The following ADAM7 variants were observed in gnomAD, a reference collection of about 807,000 sequenced individuals.
ADAM7 encodes disintegrin and metalloproteinase domain-containing protein 7.
Under a neutral mutation model 102.9 loss-of-function variants are expected in ADAM7, and 97 were observed. The ratio of observed to expected loss-of-function variants is 0.94; its 90% CI spans 0.80 to 1.12. The LOEUF is 1.12. ADAM7 is among the 50% of genes most tolerant of loss of function. The pLI is 0.00. For synonymous variants in ADAM7, 334 were observed against 304.4 expected (o/e 1.10, Z -1.01); for missense variants, 991 against 908.7 (o/e 1.09, Z -1.16).
At chr8:24,502,661 T>C (rs139294826) in intron 20 of ADAM7, among the ~76,000 whole-genome samples, 1,830 of 152,200 alleles carry the variant, frequency 0.012, 39 homozygotes, top group African/African-American at 0.042. Context: ...TTTTGAAAGA[T>C]AAACATTACT....
chr8:24,462,077 A>C (rs905766412), intron 3 of ADAM7, among the ~76,000 whole-genome samples: 1 of 152,218 alleles, frequency 6.6e-6, no homozygotes, highest in African/African-American at 2.4e-5. Context: ...ATGTTGTGTG[A>C]AATGGACTCC....
At chr8:24,447,141 T>C in intron 2 of ADAM7, 45 bp from the exon 3 acceptor site, 1 of 1,176,880 alleles carries the variant, frequency 8.5e-7, no homozygotes, top group South Asian at 1.5e-5. Context: ...CAGAACACAC[T>C]AAATGAGCCC....
At chr8:24,469,562 G>A (rs1344109280) in intron 7 of ADAM7, among the ~76,000 whole-genome samples, 1 of 152,026 alleles carries the variant, frequency 6.6e-6, no homozygotes, top group Non-Finnish European at 1.5e-5. Context: ...ATGCCCTAAA[G>A]TGACTCTTCA....
intron 15 of ADAM7, 92 bp from the exon 16 acceptor site, chr8:24,492,951 T>C: frequency 1.5e-6 from 2 of 1,312,258 alleles, no homozygotes; most frequent in Non-Finnish European, 2.0e-6. Flanking sequence ...AACCTGGATC[T>C]AGAAAAAGAG....
intron 3 of ADAM7, among the ~76,000 whole-genome samples, chr8:24,448,815 A>C (rs192483164): frequency 0.016 from 2,449 of 151,788 alleles, 32 homozygotes; most frequent in Middle Eastern, 0.034. Flanking sequence ...CCCCAACCCC[A>C]CAACAGTCCC....
chr8:24,480,804 G>C (rs951303093), intron 8 of ADAM7, among the ~76,000 whole-genome samples: 2 of 152,048 alleles, frequency 1.3e-5, no homozygotes, highest in Non-Finnish European at 2.9e-5. Context: ...ACTTTGGAAG[G>C]TCAAGGCAGG....
intron 3 of ADAM7, 107 bp from the exon 4 acceptor site, chr8:24,463,775 T>C: frequency 1.2e-6 from 1 of 865,530 alleles, no homozygotes; most frequent in Non-Finnish European, 1.8e-6. Context: ...AAGAGGATCT[T>C]GCTGAGATTT....
chr8:24,468,893 A>G, intron 7 of ADAM7, 73 bp downstream of exon 7: 1 of 1,375,778 alleles, frequency 7.3e-7, no homozygotes. Context: ...TAGCATAGAG[A>G]GAAAGGTATT....
rs369775281 is a variant in ADAM7 at position 24,470,006 on chromosome 8, A to T, written c.633+1186A>T. On this transcript the variant is annotated intron_variant, in intron 7 of 21. Coordinates refer to ENST00000175238, the MANE Select transcript of ADAM7 (RefSeq NM_003817.4). Reference sequence around the variant, plus strand: ...ATAAAGAGTGAATGGGAATGATTGGATGACAGATGACAAATGAGAGACAAT... The same window carrying T: ...ATAAAGAGTGAATGGGAATGATTGGTTGACAGATGACAAATGAGAGACAAT... Among the ~76,000 whole-genome samples the T allele has an allele frequency of 1.4e-4, 22 of 152,290 alleles. No individual in the cohort carries two copies. In the South Asian group the frequency reaches 2.7e-3, roughly 19 times the overall value.
chr8:24,507,560 C>G (rs992325666), intron 21 of ADAM7, 25 bp downstream of exon 21: 10 of 1,580,968 alleles, frequency 6.3e-6, no homozygotes, highest in Non-Finnish European at 8.7e-6. Flanking sequence ...CAGATAGTAC[C>G]TCCCTTTTTT....
At position 24,482,347 on chromosome 8, in the gene ADAM7, T is replaced by C. The variant is rs976493816; in HGVS notation, c.875+36T>C. ...GCTCTATTTTCTTGCATACCTTTGG[T>C]GGATTATTACAAAAGAAAACAAAAA... On this transcript the variant is annotated intron_variant, in intron 9 of 21. Coordinates refer to ENST00000175238, the MANE Select transcript of ADAM7 (RefSeq NM_003817.4). The C allele has an allele frequency of 3.8e-6, 6 of 1,569,222 alleles. No individual in the cohort carries two copies. In the East Asian group the frequency reaches 9.1e-5, roughly 24 times the overall value.
chr8:24,497,080 T>C (rs147719111), intron 16 of ADAM7, among the ~76,000 whole-genome samples: 343 of 152,308 alleles, frequency 2.3e-3, no homozygotes, highest in African/African-American at 7.2e-3. Flanking sequence ...GCTGTTCTCC[T>C]GATACTGAGT....
At chr8:24,459,855 TTGAG>T (rs762931662) in intron 3 of ADAM7, among the ~76,000 whole-genome samples, 14 of 152,290 alleles carry the variant, frequency 9.2e-5, no homozygotes, top group South Asian at 2.1e-4. Context: ...ATTATTCTTA[TTGAG>T]TGTTTATTTT....
At position 24,492,040 on chromosome 8, in the gene ADAM7, C is replaced by T. The variant is rs770802232; in HGVS notation, c.1494C>T (p.Tyr498=). The T allele has an allele frequency of 6.2e-7, 1 of 1,613,928 alleles. No homozygotes were observed. Among genetic ancestry groups the T allele is most frequent in the East Asian group, 2.2e-5 (1 of 44,866 alleles). ...TTCCTTGCAAGAACTCAGAAGGCTACTGTTTCATGGGGAAATGTCCAACTC... is the reference window on the plus strand; with the variant it reads ...TTCCTTGCAAGAACTCAGAAGGCTATTGTTTCATGGGGAAATGTCCAACTC... ...NGFPCKNSEG[Y]CFMGKCPTRE... The change falls in exon 14 of 22, where the codon TAC becomes TAT. Residue 498 remains tyrosine (Y), a synonymous_variant. Coordinates refer to ENST00000175238, the MANE Select transcript of ADAM7 (RefSeq NM_003817.4).
intron 3 of ADAM7, among the ~76,000 whole-genome samples, chr8:24,449,951 G>A (rs191675637): frequency 1.0e-3 from 152 of 152,292 alleles, no homozygotes; most frequent in African/African-American, 3.6e-3. Flanking sequence ...TCAAAGACCA[G>A]ATAGTTGTAG....
At chr8:24,494,347 A>G (rs910619419) in intron 16 of ADAM7, among the ~76,000 whole-genome samples, 1 of 152,248 alleles carries the variant, frequency 6.6e-6, no homozygotes, top group Non-Finnish European at 1.5e-5. Flanking sequence ...TATGCTAACC[A>G]CAAGCTAAAA....
chr8:24,485,947 C>T (rs1396553629), intron 10 of ADAM7, among the ~76,000 whole-genome samples: 2 of 152,002 alleles, frequency 1.3e-5, no homozygotes, highest in Non-Finnish European at 1.5e-5. Flanking sequence ...TGTTGCTGTG[C>T]CTTGTCTGGT....
chr8:24,452,981 C>T lies in ADAM7; in HGVS notation c.233+5719C>T, dbSNP rs1365203247. ...TTTAAGAATGTTGAATATTGGCCCC[C>T]ACTCTCTTCTGGCTTGTAGGGTTTC... is the stretch of plus-strand genomic sequence containing the variant. On this transcript the variant is annotated intron_variant, in intron 3 of 21. Coordinates refer to ENST00000175238, the MANE Select transcript of ADAM7 (RefSeq NM_003817.4). Among the ~76,000 whole-genome samples, 464 of 150,786 alleles carry T rather than the reference C, an allele frequency of 3.1e-3. 2 individuals are homozygous for T. Among genetic ancestry groups the T allele is most frequent in the African/African-American group, 0.011 (444 of 40,830 alleles).
intron 10 of ADAM7, 56 bp from the exon 11 acceptor site, chr8:24,487,131 A>G: frequency 2.6e-6 from 4 of 1,566,254 alleles, no homozygotes; most frequent in Middle Eastern, 1.7e-4. Flanking sequence ...TTGAAGCACT[A>G]TGTACTACAG....
Sources: gnomAD v4.1 joint callset for allele counts (sites outside exome capture counted in the v4.1 genomes callset) on GRCh38, gnomAD v4.1.1 for gene constraint, MANE v1.5 for transcripts, NCBI Gene and HGNC (gene_info 2026-07-23, HGNC 2026-07-21) for gene names.